The following USP19 variants were observed in gnomAD, a reference collection of about 807,000 sequenced individuals.
USP19 encodes ubiquitin specific peptidase 19, also known as ubiquitin carboxyl-terminal hydrolase 19.
USP19 carries 40 observed loss-of-function variants against 144.8 expected under a neutral mutation model. That is an observed-to-expected ratio of 0.28 (90% CI 0.21 to 0.36). USP19 has a LOEUF of 0.36. Among genes scored for constraint, USP19 ranks in the 10% least tolerant of loss-of-function variants. The probability of loss-of-function intolerance (pLI) is 1.00; values close to 1 mark genes in which losing one functional copy is unlikely to be tolerated. For synonymous variants in USP19, 701 were observed against 709.3 expected (o/e 0.99, Z 0.19); for missense variants, 1,518 against 1,822.5 (o/e 0.83, Z 3.04).
In USP19 at chr3:49,115,080, T is replaced by A. The variant is rs370597152; in HGVS notation, c.2060A>T (p.Tyr687Phe). 1 of 1,614,086 alleles carries A rather than the reference T, an allele frequency of 6.2e-7. No individual in the cohort carries two copies. The highest frequency in any genetic ancestry group is 8.5e-7 in the Non-Finnish European group (1 of 1,180,028). The change falls in exon 14 of 27, where the codon TAT (tyrosine) becomes TTT (phenylalanine). Residue 687 changes from tyrosine to phenylalanine, a missense_variant. Tyr to Phe is a conservative substitution (Grantham distance 22). Transcript: ENST00000417901. This position sits in a 1 kb window ranked among gnomAD's most constrained non-coding sequence, Gnocchi z 6.6. The stretch of plus-strand genomic sequence containing the variant: ...GAACTCCTGGGCATCATGCTGTGCA[T>A]AGCCTGTGAACTGGCTGGCCTTACT... ...VASKASQFTG[Y>F]AQHDAQEFMA...
rs772585093 is a variant in USP19 at position 49,110,748 on chromosome 3, G to T, written c.3661C>A (p.Arg1221Ser). 1.9e-6 allele frequency: 3 copies of T among 1,614,100 alleles called. No individual in the cohort carries two copies. The highest frequency in any genetic ancestry group is 1.3e-5 in the African/African-American group (1 of 75,036). The change falls in exon 24 of 27, where the codon CGT becomes AGT. Residue 1221 changes from arginine to serine, a missense_variant. Physicochemically the swap from Arg to Ser is moderately radical, Grantham distance 110. Coordinates refer to ENST00000417901, the MANE Select transcript of USP19 (RefSeq NM_001199161.2). This position sits in a 1 kb window ranked among gnomAD's most constrained non-coding sequence, Gnocchi z 6.1. ...KRFSFRSFIW[R>S]DKINDLVEFP... Reference sequence around the variant, plus strand: ...TCCACCAAGTCATTGATCTTGTCACGCCAGATAAAACTACGAAAGGAGAAG... The same window carrying T: ...TCCACCAAGTCATTGATCTTGTCACTCCAGATAAAACTACGAAAGGAGAAG...
Position 49,111,125 on chromosome 3 carries a change from G to A in USP19, c.3370C>T (p.Leu1124Phe), listed in dbSNP as rs2043084491. The A allele has an allele frequency of 6.2e-7, 1 of 1,613,788 alleles. No individual in the cohort carries two copies. The highest frequency in any genetic ancestry group is 2.2e-5 in the East Asian group (1 of 44,876). ...AAGCGCTCATTGTTCCGCCAGACGA[G>A]AGCCAGGCTACAGTCGTCACCCAGC... ...LELGDDCSLA[L>F]VWRNNERLQE... The change falls in exon 23 of 27, where the codon CTC becomes TTC. Residue 1124 changes from leucine to phenylalanine, a missense_variant. By Grantham distance (22) the Leu-to-Phe change is conservative (BLOSUM62 0). Around this residue, in one of 5 missense-constraint regions of USP19, gnomAD observed 413 missense variants for 515.8 expected, o/e 0.80. Transcript: ENST00000417901. The surrounding 1 kb of genome is among the most constrained non-coding windows in gnomAD (Gnocchi z 5.9).
rs780320081 is a variant in USP19, at chr3:49,111,469, C to A, written c.3217+31G>T. ...CCTCCATCCTCCCTTATCCTCCTCC[C>A]CAGCTTCTAGAGCCTTTCACTGGAT... On this transcript the variant is annotated intron_variant, in intron 21 of 26. Coordinates refer to ENST00000417901, the MANE Select transcript of USP19 (RefSeq NM_001199161.2). This position sits in a 1 kb window ranked among gnomAD's most constrained non-coding sequence, Gnocchi z 5.9. 2 of 1,611,648 alleles carry A rather than the reference C, an allele frequency of 1.2e-6. No homozygotes were observed. Among genetic ancestry groups the A allele is most frequent in the African/African-American group, 1.3e-5 (1 of 74,916 alleles).
rs764594530 is a variant in USP19, at chr3:49,115,423, G to A, written c.1888+21C>T. ...AGGCACTCTCTCTGCCCATAACCCA[G>A]GCTCCAGGCCCTGCCCTCACCATGG... On this transcript the variant is annotated intron_variant, in intron 12 of 26. Coordinates refer to ENST00000417901, the MANE Select transcript of USP19 (RefSeq NM_001199161.2). The surrounding 1 kb of genome is among the most constrained non-coding windows in gnomAD (Gnocchi z 6.6). The A allele has an allele frequency of 6.2e-6, 10 of 1,613,770 alleles. No individual in the cohort carries two copies. The highest frequency in any genetic ancestry group is 7.6e-6 in the Non-Finnish European group (9 of 1,179,646).
rs2043899019 is a variant in USP19, at chr3:49,115,324, T to A, written c.1926A>T (p.Pro642=). ...SFEAEINYNN[P]LGTGGRLAIG... is the part of the protein sequence containing the mutation. ...TGGCCAGACGCCCACCAGTCCCTAG[T>A]GGGTTGTTGTAGTTGATCTCAGCCT... Residue 642 remains proline (P), a synonymous_variant, in exon 13 of 27, where the codon CCA becomes CCT. Transcript: ENST00000417901. This position sits in a 1 kb window ranked among gnomAD's most constrained non-coding sequence, Gnocchi z 6.6. The A allele has an allele frequency of 6.2e-7, 1 of 1,613,944 alleles. No individual in the cohort carries two copies. Among genetic ancestry groups the A allele is most frequent in the Non-Finnish European group, 8.5e-7 (1 of 1,179,970 alleles).
rs1237209412 is a variant in USP19 at position 49,108,179 on chromosome 3, C to G, written c.*233G>C. The G allele has an allele frequency of 4.8e-6, 1 of 208,072 alleles. No homozygotes were observed. Among genetic ancestry groups the G allele is most frequent in the Non-Finnish European group, 9.8e-6 (1 of 101,968 alleles). The allele number at this position is 208,072 out of a possible 1,614,324, so 12.9% of individuals were successfully genotyped here. On this transcript the variant is annotated 3_prime_UTR_variant, in exon 27 of 27. Coordinates refer to ENST00000417901, the MANE Select transcript of USP19 (RefSeq NM_001199161.2). The surrounding 1 kb of genome is among the most constrained non-coding windows in gnomAD (Gnocchi z 4.8). ...ATGCGGGTCAGAAGAATTGAAGGTA[C>G]AACAGAATCAAATCACGCAGCACTG... is the stretch of plus-strand genomic sequence containing the variant.
At position 49,117,614 on chromosome 3, in the gene USP19, G is replaced by A. The variant is rs759435389; in HGVS notation, c.472+43C>T. ...CCATGAGGTAGGATAGGAGATATCA[G>A]AAGATTCAAACATACTACTGTGCTC... On this transcript the variant is annotated intron_variant, in intron 4 of 26. Transcript: ENST00000417901. This position sits in a 1 kb window ranked among gnomAD's most constrained non-coding sequence, Gnocchi z 4.4. 6.2e-7 allele frequency: 1 copy of A among 1,614,066 alleles called. No homozygotes were observed. Among genetic ancestry groups the A allele is most frequent in the South Asian group, 1.1e-5 (1 of 91,078 alleles).
Position 49,115,608 on chromosome 3 carries a change from G to T in USP19, c.1724C>A (p.Pro575His). The change falls in exon 12 of 27, where the codon CCC becomes CAC. Residue 575 changes from proline (P) to histidine (H), a missense_variant. Around this residue, in one of 5 missense-constraint regions of USP19, gnomAD observed 158 missense variants for 277.3 expected, o/e 0.57. Transcript: ENST00000417901. The surrounding 1 kb of genome is among the most constrained non-coding windows in gnomAD (Gnocchi z 6.6). ...PKPTCMVPPM[P>H]HSPVSGDSVE... Reference sequence around the variant, plus strand: ...GCTGTCTCCACTAACTGGGCTGTGGGGCATGGGAGGCACCATGCATGTAGG... The same window carrying T: ...GCTGTCTCCACTAACTGGGCTGTGGTGCATGGGAGGCACCATGCATGTAGG... 6.2e-7 allele frequency: 1 copy of T among 1,609,418 alleles called. No homozygotes were observed. Among genetic ancestry groups the T allele is most frequent in the African/African-American group, 1.3e-5 (1 of 74,952 alleles).
chr3:49,108,497 G>C lies in USP19; in HGVS notation c.4070C>G (p.Ala1357Gly), dbSNP rs920827338. The C allele has an allele frequency of 3.7e-5, 46 of 1,253,126 alleles. No homozygotes were observed. Among genetic ancestry groups the C allele is most frequent in the Non-Finnish European group, 4.6e-5 (45 of 971,108 alleles). 77.6% of individuals were successfully genotyped at this position (1,253,126 alleles called of 1,614,324 possible). Residue 1357 changes from alanine (A) to glycine (G), a missense_variant, in exon 27 of 27, where the codon GCC (alanine) becomes GGC (glycine). By Grantham distance (60) the Ala-to-Gly change is moderately conservative. Coordinates refer to ENST00000417901, the MANE Select transcript of USP19 (RefSeq NM_001199161.2). This position sits in a 1 kb window ranked among gnomAD's most constrained non-coding sequence, Gnocchi z 4.8. ...GCGTTCAGGGGCTGTCCGCGTGGGG[G>C]CCACCTCGGGGGCCTGGCCAGGGCC... is the stretch of plus-strand genomic sequence containing the variant. The part of the protein sequence containing the change: ...GLGPGQAPEV[A>G]PTRTAPERFA...
In USP19 at chr3:49,110,516, C is replaced by T. The variant is rs1467218701; in HGVS notation, c.3787G>A (p.Gly1263Ser). 3.1e-6 allele frequency: 5 copies of T among 1,614,088 alleles called. No homozygotes were observed. In the Admixed American group the frequency reaches 8.3e-5, roughly 27 times the overall value. Residue 1263 changes from glycine to serine, a missense_variant, in exon 25 of 27, where the codon GGC (glycine) becomes AGC (serine). Physicochemically the swap from Gly to Ser is moderately conservative, Grantham distance 56. Coordinates refer to ENST00000417901, the MANE Select transcript of USP19 (RefSeq NM_001199161.2). This position sits in a 1 kb window ranked among gnomAD's most constrained non-coding sequence, Gnocchi z 6.1. ...GCAGTGTAGTGGCCACCAATCATGC[C>T]TCCATAGTGGTTGATGACAGCATAT... is the stretch of plus-strand genomic sequence containing the variant. Reference protein sequence around the residue: ...DLYAVINHYGGMIGGHYTACA... With the variant: ...DLYAVINHYGSMIGGHYTACA...
chr3:49,114,611 T>C lies in USP19; in HGVS notation c.2292+152A>G. On this transcript the variant is annotated intron_variant, in intron 15 of 26. Coordinates refer to ENST00000417901, the MANE Select transcript of USP19 (RefSeq NM_001199161.2). The surrounding 1 kb of genome is among the most constrained non-coding windows in gnomAD (Gnocchi z 4.5). ...CAGGAAGCCTACCCTGAGTGGGCTC[T>C]TCAGCCCAAATAGAATCCTAAGGCC... 1.2e-6 allele frequency: 1 copy of C among 820,530 alleles called. No individual in the cohort carries two copies. The highest frequency in any genetic ancestry group is 1.9e-6 in the Non-Finnish European group (1 of 521,828). 50.8% of individuals were successfully genotyped at this position (820,530 alleles called of 1,614,324 possible).
intron 26 of USP19, chr3:49,109,962 C>T: frequency 2.2e-6 from 1 of 455,220 alleles, no homozygotes; most frequent in Admixed American, 4.0e-5. Flanking sequence ...TGCCAATGTG[C>T]TTGCCAGTGG....
rs2043124214 is a variant in USP19, at chr3:49,111,388, A to G, written c.3218-23T>C. On this transcript the variant is annotated intron_variant, in intron 21 of 26. Transcript: ENST00000417901. The surrounding 1 kb of genome is among the most constrained non-coding windows in gnomAD (Gnocchi z 5.9). Reference sequence around the variant, plus strand: ...CAGCTGTGTGAGAACATGATAATCAAAGCTTCCCTGCCCATCAGGGCCTCA... The same window carrying G: ...CAGCTGTGTGAGAACATGATAATCAGAGCTTCCCTGCCCATCAGGGCCTCA... The G allele has an allele frequency of 1.9e-6, 3 of 1,613,820 alleles. No individual in the cohort carries two copies. The highest frequency in any genetic ancestry group is 1.7e-6 in the Non-Finnish European group (2 of 1,179,942).
intron 1 of USP19, among the ~76,000 whole-genome samples, chr3:49,119,618 G>A (rs978088000): frequency 6.6e-6 from 1 of 152,204 alleles, no homozygotes; most frequent in Non-Finnish European, 1.5e-5. Context: ...CTGGCACTCC[G>A]AGCAGGGTGC....
chr3:49,110,894 G>C lies in USP19; in HGVS notation c.3546-31C>G, dbSNP rs1277548107. 6.2e-7 allele frequency: 1 copy of C among 1,613,700 alleles called. No homozygotes were observed. The highest frequency in any genetic ancestry group is 1.3e-5 in the African/African-American group (1 of 74,930). On this transcript the variant is annotated intron_variant, in intron 23 of 26. Coordinates refer to ENST00000417901, the MANE Select transcript of USP19 (RefSeq NM_001199161.2). The surrounding 1 kb of genome is among the most constrained non-coding windows in gnomAD (Gnocchi z 6.1). ...GGGGACAGAGATTGGGTCAGGACCA[G>C]CAAGTCTCTCTCTTCTCCATCCTGC...
At position 49,111,569 on chromosome 3, in the gene USP19, C is replaced by T; in HGVS notation, c.3148G>A (p.Glu1050Lys). 1 of 1,613,054 alleles carries T rather than the reference C, an allele frequency of 6.2e-7. No individual in the cohort carries two copies. Among genetic ancestry groups the T allele is most frequent in the African/African-American group, 1.3e-5 (1 of 75,074 alleles). Reference sequence around the variant, plus strand: ...TCAATGGGCCCACTGGCCAGCATCTCAGAAGAAATTCCACTGGTGCTGGGC... The same window carrying T: ...TCAATGGGCCCACTGGCCAGCATCTTAGAAGAAATTCCACTGGTGCTGGGC... ...PVPSTSGISSEMLASGPIEVG... is the reference protein window; with the variant it reads ...PVPSTSGISSKMLASGPIEVG... The change falls in exon 21 of 27, where the codon GAG becomes AAG. Residue 1050 changes from glutamate (E) to lysine (K), a missense_variant. Physicochemically the swap from Glu to Lys is moderately conservative, Grantham distance 56 (BLOSUM62 1). Around this residue, in one of 5 missense-constraint regions of USP19, gnomAD observed 413 missense variants for 515.8 expected, o/e 0.80. Coordinates refer to ENST00000417901, the MANE Select transcript of USP19 (RefSeq NM_001199161.2). This position sits in a 1 kb window ranked among gnomAD's most constrained non-coding sequence, Gnocchi z 5.9.
chr3:49,119,369 G>A (rs934172388), intron 1 of USP19, 88 bp from the exon 2 acceptor site: 1 of 525,598 alleles, frequency 1.9e-6, no homozygotes, highest in Non-Finnish European at 3.4e-6. Flanking sequence ...GGACACTAAT[G>A]CTACAGAGCT....
rs565561069 is a variant in USP19 at position 49,117,079 on chromosome 3, C to G, written c.889G>C (p.Val297Leu). ...CTCACCTGGGTGGCTGGGTCAGCCA[C>G]GAAGGGTGGGGCATCACCCCGGGGT... ...PGPRGDAPPF[V>L]ADPATQVEAD... The change falls in exon 6 of 27, where the codon GTG becomes CTG. Residue 297 changes from valine to leucine, a missense_variant. Physicochemically the swap from Val to Leu is conservative, Grantham distance 32. Around this residue, in one of 5 missense-constraint regions of USP19, gnomAD observed 707 missense variants for 728.9 expected, o/e 0.97. Transcript: ENST00000417901. This position sits in a 1 kb window ranked among gnomAD's most constrained non-coding sequence, Gnocchi z 4.4. The G allele has an allele frequency of 2.6e-6, 4 of 1,518,030 alleles. No homozygotes were observed. Among genetic ancestry groups the G allele is most frequent in the Non-Finnish European group, 3.5e-6 (4 of 1,129,054 alleles). The allele number at this position is 1,518,030 out of a possible 1,614,324, so 94.0% of individuals were successfully genotyped here.
At chr3:49,118,245 G>T in intron 2 of USP19, 125 bp from the exon 3 acceptor site, 1 of 447,384 alleles carries the variant, frequency 2.2e-6, no homozygotes, top group Non-Finnish European at 3.9e-6. Context: ...TCCAATCTGT[G>T]CAAGAGTGAG....
Sources: gnomAD v4.1 joint callset for allele counts (sites outside exome capture counted in the v4.1 genomes callset) on GRCh38, gnomAD v4.1.1 for gene constraint, gnomAD v4.1.1 regional missense constraint, Gnocchi (gnomAD v3.1) non-coding constraint, MANE v1.5 for transcripts, NCBI Gene and HGNC (gene_info 2026-07-23, HGNC 2026-07-21) for gene names.